The following DLC1 variants were observed in gnomAD, a reference collection of about 807,000 sequenced individuals.
DLC1 encodes DLC1 Rho GTPase activating protein.
A neutral mutation model predicts 140.3 loss-of-function variants in DLC1; 54 were observed. The ratio of observed to expected loss-of-function variants is 0.38; its 90% CI spans 0.31 to 0.48. The LOEUF (loss-of-function observed/expected upper bound fraction) is 0.48. Among genes scored for constraint, DLC1 ranks in the 20% least tolerant of loss-of-function variants. DLC1 has a pLI of 0.96. For missense variants in DLC1, 2,536 were observed against 1,907.0 expected (o/e 1.33, Z -6.14); for synonymous variants, 986 against 728.1 (o/e 1.35, Z -5.70).
At chr8:13,565,235 A>C (rs1804384844) in intron 1 of DLC1, among the ~76,000 whole-genome samples, 1 of 152,214 alleles carries the variant, frequency 6.6e-6, no homozygotes, top group South Asian at 2.1e-4. Flanking sequence ...AATCAAGAGA[A>C]ATTTAAGACA....
chr8:13,201,500 A>G (rs151110016), intron 5 of DLC1, among the ~76,000 whole-genome samples: 14 of 152,296 alleles, frequency 9.2e-5, no homozygotes, highest in Admixed American at 8.5e-4. Flanking sequence ...GAACAACTAC[A>G]AGAACTATAA....
intron 1 of DLC1, among the ~76,000 whole-genome samples, chr8:13,600,096 G>A (rs1805822093): frequency 6.6e-6 from 1 of 151,840 alleles, no homozygotes; most frequent in Non-Finnish European, 1.5e-5. Context: ...AAAGCAATAG[G>A]AAACATGGTC....
chr8:13,375,027 AT>A (rs35721536), intron 4 of DLC1, among the ~76,000 whole-genome samples: 28,532 of 134,038 alleles, frequency 0.21, 3,218 homozygotes, highest in South Asian at 0.28. Context: ...AATGCTTGTG[AT>A]TTTTTTTTTT....
At chr8:13,202,912 A>G (rs537788831) in intron 5 of DLC1, among the ~76,000 whole-genome samples, 1 of 152,048 alleles carries the variant, frequency 6.6e-6, no homozygotes, top group African/African-American at 2.4e-5. Context: ...GGGCCCAAGT[A>G]ATCCACCCGC....
chr8:13,520,929 C>T (rs1276919053), intron 1 of DLC1, among the ~76,000 whole-genome samples: 1 of 152,082 alleles, frequency 6.6e-6, no homozygotes, highest in African/African-American at 2.4e-5. Flanking sequence ...CTGAAATCCT[C>T]AATTCATGGC....
At chr8:13,537,592 A>C (rs1329315959) in intron 1 of DLC1, among the ~76,000 whole-genome samples, 2 of 151,620 alleles carry the variant, frequency 1.3e-5, no homozygotes, top group Admixed American at 1.3e-4. Flanking sequence ...TGTTGATGAC[A>C]GTGATAATAA....
chr8:13,254,333 G>T (rs1009908980), intron 5 of DLC1, among the ~76,000 whole-genome samples: 6 of 152,124 alleles, frequency 3.9e-5, no homozygotes, highest in African/African-American at 1.4e-4. Context: ...CCACTCAGGG[G>T]CCGGCTGCCT....
intron 4 of DLC1, among the ~76,000 whole-genome samples, chr8:13,333,825 T>C (rs1400628731): frequency 6.6e-6 from 1 of 152,186 alleles, no homozygotes; most frequent in Non-Finnish European, 1.5e-5. Context: ...GGCTTCACAA[T>C]AGAGTAGACA....
At chr8:13,553,229 T>C (rs1803926074) in intron 1 of DLC1, among the ~76,000 whole-genome samples, 1 of 26,050 alleles carries the variant, frequency 3.8e-5, no homozygotes, top group African/African-American at 1.8e-4. Flanking sequence ...TATATATATG[T>C]ATATATATAT....
rs191371032 is a variant in DLC1 at position 13,123,495 on chromosome 8, C to A, written c.1349-7838G>T. ...AGCTGGGGCTACAGGCGCCCGCCAC[C>A]ACAATGAGCTAATTTTTTTTTTTTT... On this transcript the variant is annotated intron_variant, in intron 5 of 17. Coordinates refer to ENST00000276297, the MANE Select transcript of DLC1 (RefSeq NM_182643.3). 8.2e-3 allele frequency among the ~76,000 whole-genome samples: 1,202 copies of A among 146,836 alleles called. 11 individuals carry two copies. The highest frequency in any genetic ancestry group is 0.01 in the Middle Eastern group (3 of 286).
intron 2 of DLC1, among the ~76,000 whole-genome samples, chr8:13,478,422 G>C (rs1327325251): frequency 6.6e-6 from 1 of 152,204 alleles, no homozygotes; most frequent in East Asian, 1.9e-4. Flanking sequence ...TTCGACATGA[G>C]ATTTGGACAG....
intron 2 of DLC1, among the ~76,000 whole-genome samples, chr8:13,414,397 A>C (rs1038489681): frequency 6.6e-5 from 10 of 152,154 alleles, no homozygotes; most frequent in African/African-American, 2.4e-4. Context: ...GAACTTGGTG[A>C]TGATCTCCTT....
In DLC1 at chr8:13,100,344, G is replaced by A. The variant is rs1218116906; in HGVS notation, c.1993C>T (p.Arg665Cys). The change falls in exon 9 of 18, where the codon CGC becomes TGC. Residue 665 changes from arginine (R) to cysteine (C), a missense_variant. Physicochemically the swap from Arg to Cys is radical, Grantham distance 180. Coordinates refer to ENST00000276297, the MANE Select transcript of DLC1 (RefSeq NM_182643.3). The stretch of plus-strand genomic sequence containing the variant: ...CTCTCCATCCGTTTCAGCAGACTGC[G>A]CGTCTTGGACTTGGCAGTTTTTTCG... ...GHEKTAKSKT[R>C]SLLKRMESLK... 9 of 1,614,074 alleles carry A rather than the reference G, an allele frequency of 5.6e-6. No individual in the cohort carries two copies. The Admixed American group carries it at 6.7e-5, about 12-fold the overall frequency.
At chr8:13,579,170 CAAATATTAGAACA>C (rs1804952033) in intron 1 of DLC1, among the ~76,000 whole-genome samples, 1 of 136,886 alleles carries the variant, frequency 7.3e-6, no homozygotes, top group Admixed American at 7.9e-5. Flanking sequence ...GGTCAAAGAA[CAAATATTAGAACA>C]AAAGAGTCTC....
intron 4 of DLC1, among the ~76,000 whole-genome samples, chr8:13,336,231 GT>G (rs993042666): frequency 3.5e-4 from 53 of 151,172 alleles, no homozygotes; most frequent in African/African-American, 1.2e-3. Context: ...CCTTAATAAA[GT>G]TTTTTTTTCT....
At chr8:13,522,054 G>C (rs974707146) in intron 1 of DLC1, among the ~76,000 whole-genome samples, 3 of 152,104 alleles carry the variant, frequency 2.0e-5, no homozygotes, top group African/African-American at 7.2e-5. Context: ...GAAATTGGAA[G>C]AGATATTTTT....
chr8:13,600,299 C>A (rs1477528469), intron 1 of DLC1, among the ~76,000 whole-genome samples: 1 of 151,790 alleles, frequency 6.6e-6, no homozygotes, highest in South Asian at 2.1e-4. Context: ...ACGATCAAAA[C>A]TTTAAGTAAG....
At chr8:13,510,926 A>G (rs1184832379) in intron 1 of DLC1, among the ~76,000 whole-genome samples, 3 of 152,204 alleles carry the variant, frequency 2.0e-5, no homozygotes, top group Non-Finnish European at 4.4e-5. Context: ...CTGGAAAATA[A>G]GAAAGAAGTC....
chr8:13,190,252 C>T (rs1188577188), intron 5 of DLC1, among the ~76,000 whole-genome samples: 1 of 152,078 alleles, frequency 6.6e-6, no homozygotes, highest in African/African-American at 2.4e-5. Flanking sequence ...TGCTTGGTGG[C>T]CACGAGTGGC....
Sources: allele counts gnomAD v4.1 joint callset (sites outside exome capture counted in the v4.1 genomes callset), GRCh38; gene constraint gnomAD v4.1.1; transcripts MANE v1.5; gene names NCBI Gene and HGNC (gene_info 2026-07-23, HGNC 2026-07-21).